The following NYAP2 variants were observed in gnomAD, a reference collection of about 807,000 sequenced individuals.
NYAP2 encodes the protein neuronal tyrosine-phosphorylated phosphoinositide-3-kinase adaptor 2, also known as neuronal tyrosine-phosphorylated phosphoinositide-3-kinase adapter 2.
NYAP2 carries 23 observed loss-of-function variants against 50.4 expected under a neutral mutation model. That is an observed-to-expected ratio of 0.46 (90% CI 0.33 to 0.65). The LOEUF (loss-of-function observed/expected upper bound fraction) is 0.65, where lower values mean the gene tolerates loss of function less well. NYAP2 is among the 30% of genes least tolerant of loss of function. The probability of loss-of-function intolerance (pLI) is 0.02; values close to 1 mark genes in which losing one functional copy is unlikely to be tolerated. For synonymous variants in NYAP2, 394 were observed against 365.2 expected, an observed-to-expected ratio of 1.08 and a Z score of -0.90; for missense variants, 885 against 861.0, an observed-to-expected ratio of 1.03 and a Z score of -0.35.
chr2:225,695,774 G>T, the NYAP2 span, among the ~76,000 whole-genome samples: 6 of 151,898 alleles, frequency 4.0e-5, no homozygotes, highest in African/African-American at 1.4e-4. Context: ...ACAGTCTCCT[G>T]TTGGAACACA....
In NYAP2 at chr2:225,422,718, G is replaced by A. The variant is rs143117360; in HGVS notation, c.221+13617G>A. The stretch of plus-strand genomic sequence containing the variant: ...TGCAAAGTCAGATGAGGGCATCACT[G>A]TAGTGTAGAGATATCCTTCAGGTGG... On this transcript the variant is annotated intron_variant, in intron 3 of 6. Transcript: ENST00000636099. Among the ~76,000 whole-genome samples, 566 of 152,276 alleles carry A rather than the reference G, an allele frequency of 3.7e-3. 7 individuals carry two copies. Among genetic ancestry groups the A allele is most frequent in the Non-Finnish European group, 3.5e-3 (238 of 68,014 alleles).
intron 4 of NYAP2, among the ~76,000 whole-genome samples, chr2:225,523,480 A>G (rs1452979568): frequency 6.6e-6 from 1 of 152,132 alleles, no homozygotes; most frequent in Non-Finnish European, 1.5e-5. Context: ...TATAATAGCT[A>G]TAAAAATATC....
At chr2:225,656,141 A>T (rs889094830), downstream of NYAP2, among the ~76,000 whole-genome samples, 1 of 152,120 alleles carries the variant, frequency 6.6e-6, no homozygotes, top group Non-Finnish European at 1.5e-5. Flanking sequence ...AGGTAGGAAA[A>T]GGTCACTTGT....
At chr2:225,703,630 A>G in the NYAP2 span, 1 of 151,878 alleles carries the variant, frequency 6.6e-6, no homozygotes, top group Non-Finnish European at 1.5e-5. Context: ...CCGTGTAATT[A>G]TAATAAAAGC....
At chr2:225,558,859 C>T (rs1270701582) in intron 4 of NYAP2, among the ~76,000 whole-genome samples, 3 of 152,096 alleles carry the variant, frequency 2.0e-5, no homozygotes, top group African/African-American at 7.2e-5. Context: ...AAGAAGAACA[C>T]TCATGTTTTC....
chr2:225,491,441 A>G (rs911489467), intron 3 of NYAP2, among the ~76,000 whole-genome samples: 6 of 152,068 alleles, frequency 3.9e-5, no homozygotes, highest in African/African-American at 1.4e-4. Context: ...ACCTATCTTA[A>G]TTTTTTTAAA....
intron 4 of NYAP2, among the ~76,000 whole-genome samples, chr2:225,535,994 A>AT (rs945496415): frequency 1.3e-4 from 20 of 152,226 alleles, no homozygotes; most frequent in African/African-American, 4.8e-4. Flanking sequence ...TTACATTTAC[A>AT]TTTTTTCTTG....
At chr2:225,642,081 A>G (rs1381599206) in intron 6 of NYAP2, among the ~76,000 whole-genome samples, 1 of 152,200 alleles carries the variant, frequency 6.6e-6, no homozygotes, top group East Asian at 1.9e-4. Context: ...CTGCTTTCAA[A>G]GAGCATGGAG....
At chr2:225,587,053 A>G (rs902525654) in intron 5 of NYAP2, among the ~76,000 whole-genome samples, 1 of 152,218 alleles carries the variant, frequency 6.6e-6, no homozygotes, top group Non-Finnish European at 1.5e-5. Context: ...ATTGTCTTAT[A>G]AAACAATTAG....
At chr2:225,477,240 T>TTC (rs1690129409) in intron 3 of NYAP2, among the ~76,000 whole-genome samples, 1 of 140,000 alleles carries the variant, frequency 7.1e-6, no homozygotes, top group Non-Finnish European at 1.5e-5. Context: ...TCTTTTTTTT[T>TTC]TTTTTTTTTT....
intron 6 of NYAP2, among the ~76,000 whole-genome samples, chr2:225,632,091 G>C (rs1415232387): frequency 6.6e-6 from 1 of 152,152 alleles, no homozygotes; most frequent in Non-Finnish European, 1.5e-5. Flanking sequence ...GAAGTGCTGG[G>C]ATTGCCCGGC....
At chr2:225,409,250 A>G in intron 3 of NYAP2, 149 bp downstream of exon 3, 1 of 605,444 alleles carries the variant, frequency 1.7e-6, no homozygotes, top group Non-Finnish European at 2.9e-6. Flanking sequence ...CCTCAACTAT[A>G]ACAAAAACAC....
At chr2:225,550,871 A>G (rs1234642698) in intron 4 of NYAP2, among the ~76,000 whole-genome samples, 1 of 152,148 alleles carries the variant, frequency 6.6e-6, no homozygotes, top group East Asian at 1.9e-4. Context: ...TTTTGGTTTG[A>G]GTTTTATTGG....
At chr2:225,601,272 C>G (rs1692685969) in intron 5 of NYAP2, among the ~76,000 whole-genome samples, 2 of 152,024 alleles carry the variant, frequency 1.3e-5, no homozygotes, top group Non-Finnish European at 2.9e-5. Flanking sequence ...AGGCATGTGC[C>G]ACCACGACCA....
chr2:225,474,947 C>G (rs1690078859), intron 3 of NYAP2, among the ~76,000 whole-genome samples: 2 of 152,134 alleles, frequency 1.3e-5, no homozygotes, highest in Non-Finnish European at 2.9e-5. Context: ...AATATATGTA[C>G]AAGTGTGAGA....
intron 4 of NYAP2, among the ~76,000 whole-genome samples, chr2:225,574,193 T>C (rs1692128328): frequency 6.6e-6 from 1 of 152,172 alleles, no homozygotes; most frequent in Non-Finnish European, 1.5e-5. Context: ...ATGCAAAGGC[T>C]TTGAATTAAA....
chr2:225,467,140 C>T (rs964243136), intron 3 of NYAP2, among the ~76,000 whole-genome samples: 1 of 152,128 alleles, frequency 6.6e-6, no homozygotes. Context: ...AGAACATGCG[C>T]AGTGTGTTTA....
chr2:225,617,440 A>C (rs796846106), intron 5 of NYAP2, among the ~76,000 whole-genome samples: 8 of 152,190 alleles, frequency 5.3e-5, no homozygotes, highest in African/African-American at 1.7e-4. Context: ...AAAATAAAAA[A>C]ATAAAAAAAA....
At chr2:225,615,779 C>T (rs1478825964) in intron 5 of NYAP2, among the ~76,000 whole-genome samples, 3 of 152,200 alleles carry the variant, frequency 2.0e-5, no homozygotes, top group Non-Finnish European at 4.4e-5. Flanking sequence ...AGTTTACCTA[C>T]AAGCCCAGGC....
Sources: gnomAD v4.1 joint callset for allele counts (sites outside exome capture counted in the v4.1 genomes callset) on GRCh38, gnomAD v4.1.1 for gene constraint, MANE v1.5 for transcripts, NCBI Gene and HGNC (gene_info 2026-07-23, HGNC 2026-07-21) for gene names.